GRM5: variants seen among roughly 807,000 people sequenced by gnomAD.
GRM5 encodes the protein glutamate metabotropic receptor 5, also known as metabotropic glutamate receptor 5.
Under a neutral mutation model 83.1 loss-of-function variants are expected in GRM5, and 19 were observed. The observed-to-expected ratio is 0.23, with a 90% CI of 0.16 to 0.34. The LOEUF is 0.34. Among genes scored for constraint, GRM5 ranks in the 10% least tolerant of loss-of-function variants. The pLI, the probability that GRM5 is intolerant of heterozygous loss-of-function variation, is 1.00. For synonymous variants in GRM5, 675 were observed against 633.6 expected (o/e 1.07, Z -0.98); for missense variants, 1,160 against 1,588.3 (o/e 0.73, Z 4.58).
chr11:88,549,799 C>G (rs1942464172), intron 8 of GRM5, among the ~76,000 whole-genome samples: 1 of 152,012 alleles, frequency 6.6e-6, no homozygotes, highest in Non-Finnish European at 1.5e-5. Context: ...TTTTTATATT[C>G]TAAGGCATGT....
chr11:88,801,499 C>T (rs1943393301), intron 3 of GRM5, among the ~76,000 whole-genome samples: 1 of 152,144 alleles, frequency 6.6e-6, no homozygotes, highest in Admixed American at 6.6e-5. Flanking sequence ...TCTGCTAGAA[C>T]TGCACAGAAC....
chr11:88,516,621 A>G (rs537341717), intron 9 of GRM5, among the ~76,000 whole-genome samples: 1 of 152,214 alleles, frequency 6.6e-6, no homozygotes, highest in South Asian at 2.1e-4. Context: ...TACGAAGGGG[A>G]TGTTAGTTAT....
chr11:88,817,362 A>G (rs949332596), intron 3 of GRM5, among the ~76,000 whole-genome samples: 1 of 151,710 alleles, frequency 6.6e-6, no homozygotes, highest in Non-Finnish European at 1.5e-5. Context: ...TCTATTGATT[A>G]TTTTTCCACC....
In GRM5 at chr11:88,904,291, C is replaced by G. The variant is rs1262308228; in HGVS notation, c.662-54136G>C. 3.3e-5 allele frequency among the ~76,000 whole-genome samples: 5 copies of G among 152,164 alleles called. No homozygotes were observed. The South Asian group carries it at 8.3e-4, about 25-fold the overall frequency. Reference sequence around the variant, plus strand: ...CTTTCATTGCCTACAGCTCTTTTGACTATTTATTTTCCTTCAGGAGCCCAT... The same window carrying G: ...CTTTCATTGCCTACAGCTCTTTTGAGTATTTATTTTCCTTCAGGAGCCCAT... On this transcript the variant is annotated intron_variant, in intron 2 of 9. Transcript: ENST00000305447.
intron 3 of GRM5, among the ~76,000 whole-genome samples, chr11:88,848,472 A>G (rs986533512): frequency 6.6e-6 from 1 of 152,208 alleles, no homozygotes; most frequent in Non-Finnish European, 1.5e-5. Context: ...TCAAAAGTTA[A>G]TAACAAGTGA....
At chr11:88,666,891 G>T (rs1940057999) in intron 3 of GRM5, among the ~76,000 whole-genome samples, 1 of 151,906 alleles carries the variant, frequency 6.6e-6, no homozygotes, top group Non-Finnish European at 1.5e-5. Flanking sequence ...AGTAGTAAAT[G>T]GACAGACATA....
intron 2 of GRM5, among the ~76,000 whole-genome samples, chr11:88,987,434 G>T (rs1351940817): frequency 1.3e-5 from 2 of 152,034 alleles, no homozygotes; most frequent in East Asian, 3.9e-4. Context: ...GGTTGGGGGA[G>T]GGGCGCCCGC....
intron 2 of GRM5, among the ~76,000 whole-genome samples, chr11:88,867,358 T>C (rs1255270391): frequency 1.3e-5 from 2 of 151,892 alleles, no homozygotes; most frequent in East Asian, 1.9e-4. Context: ...TAGAGGCTAA[T>C]GTAGTAAGGA....
intron 9 of GRM5, 38 bp downstream of exon 9, chr11:88,525,271 T>C: frequency 8.3e-7 from 1 of 1,203,706 alleles, no homozygotes; most frequent in Non-Finnish European, 1.2e-6. Context: ...TGCATACATT[T>C]ATTTCACACC....
At chr11:88,544,747 T>G (rs1286699257) in intron 8 of GRM5, among the ~76,000 whole-genome samples, 2 of 152,212 alleles carry the variant, frequency 1.3e-5, no homozygotes, top group Admixed American at 1.3e-4. Context: ...ACATTAAACT[T>G]GGGCATAAGC....
chr11:88,783,127 G>T (rs1260863121), intron 3 of GRM5, among the ~76,000 whole-genome samples: 1 of 152,046 alleles, frequency 6.6e-6, no homozygotes, highest in Non-Finnish European at 1.5e-5. Context: ...TAAACATTTT[G>T]TTTGTGTCTA....
intron 8 of GRM5, among the ~76,000 whole-genome samples, chr11:88,554,440 G>T (rs1268072589): frequency 6.6e-6 from 1 of 152,080 alleles, no homozygotes; most frequent in Non-Finnish European, 1.5e-5. Flanking sequence ...ATGTTTGGGG[G>T]CCATCATCTG....
chr11:88,902,018 G>A (rs1345829628), intron 2 of GRM5, among the ~76,000 whole-genome samples: 1 of 152,072 alleles, frequency 6.6e-6, no homozygotes, highest in Non-Finnish European at 1.5e-5. Flanking sequence ...TTCTTAGCAT[G>A]GCTAAATTCT....
intron 2 of GRM5, among the ~76,000 whole-genome samples, chr11:88,938,591 T>C (rs1305484603): frequency 2.0e-5 from 3 of 149,844 alleles, no homozygotes; most frequent in African/African-American, 7.3e-5. Context: ...CCCAGAGAAG[T>C]CAAGTAATTT....
At chr11:88,970,184 G>A (rs1939123388) in intron 2 of GRM5, among the ~76,000 whole-genome samples, 1 of 152,042 alleles carries the variant, frequency 6.6e-6, no homozygotes, top group African/African-American at 2.4e-5. Flanking sequence ...ACTTGAATAA[G>A]CTTCTGTAAC....
At chr11:88,948,982 A>G (rs542192375) in intron 2 of GRM5, among the ~76,000 whole-genome samples, 2 of 152,348 alleles carry the variant, frequency 1.3e-5, no homozygotes, top group South Asian at 4.1e-4. Context: ...ATCTGGAAAG[A>G]TATTACTGTG....
At chr11:88,694,047 C>T (rs1011054720) in intron 3 of GRM5, among the ~76,000 whole-genome samples, 1 of 152,164 alleles carries the variant, frequency 6.6e-6, no homozygotes, top group Non-Finnish European at 1.5e-5. Context: ...CACCTAAATG[C>T]TCTGGCCTGG....
chr11:88,966,513 C>T (rs572063556), intron 2 of GRM5, among the ~76,000 whole-genome samples: 1 of 152,212 alleles, frequency 6.6e-6, no homozygotes, highest in South Asian at 2.1e-4. Flanking sequence ...GACATCATTA[C>T]ATACCTTCAC....
intron 2 of GRM5, among the ~76,000 whole-genome samples, chr11:89,010,438 T>A (rs1940662887): frequency 6.6e-6 from 1 of 152,172 alleles, no homozygotes; most frequent in African/African-American, 2.4e-5. Flanking sequence ...GAGTATAAGC[T>A]ATTTGAGAAG....
Sources: gnomAD v4.1 joint callset for allele counts (sites outside exome capture counted in the v4.1 genomes callset) on GRCh38, gnomAD v4.1.1 for gene constraint, MANE v1.5 for transcripts, NCBI Gene and HGNC (gene_info 2026-07-23, HGNC 2026-07-21) for gene names.